HOMER1: variants seen among roughly 807,000 people sequenced by gnomAD.
HOMER1 encodes homer protein homolog 1.
In HOMER1, 3 loss-of-function variants were observed where a neutral mutation model predicts 48.9. The ratio of observed to expected loss-of-function variants is 0.06; its 90% confidence interval spans 0.03 to 0.16. The LOEUF (loss-of-function observed/expected upper bound fraction) is 0.16, where lower values mean the gene tolerates loss of function less well. Ranked by LOEUF, HOMER1 falls within the 10% of genes least tolerant of loss-of-function variation. The pLI is 1.00. For synonymous variants in HOMER1, 134 were observed against 146.4 expected, an observed-to-expected ratio of 0.92 and a Z score of 0.61; for missense variants, 247 against 411.4, an observed-to-expected ratio of 0.60 and a Z score of 3.46.
chr5:79,383,386 CTTTTT>C (rs200444325), intron 8 of HOMER1, among the ~76,000 whole-genome samples: 58 of 139,884 alleles, frequency 4.1e-4, no homozygotes, highest in Non-Finnish European at 6.6e-4. Flanking sequence ...TACAGAACAT[CTTTTT>C]TTTTTTTTTT....
intron 8 of HOMER1, among the ~76,000 whole-genome samples, chr5:79,388,612 G>A (rs944303181): frequency 1.3e-5 from 2 of 152,092 alleles, no homozygotes; most frequent in Admixed American, 1.3e-4. Flanking sequence ...GAAAAACTTA[G>A]AATAGAAATA....
At chr5:79,502,895 A>G (rs905997707) in intron 1 of HOMER1, among the ~76,000 whole-genome samples, 1 of 152,138 alleles carries the variant, frequency 6.6e-6, no homozygotes, top group African/African-American at 2.4e-5. Flanking sequence ...GGTTCACGCC[A>G]TTCTCCTGCC....
intron 5 of HOMER1, among the ~76,000 whole-genome samples, chr5:79,426,198 A>G (rs1008223579): frequency 2.0e-5 from 3 of 152,132 alleles, no homozygotes; most frequent in Non-Finnish European, 4.4e-5. Flanking sequence ...TACAGCCACT[A>G]TGAAGAACTG....
rs1469642356 is a variant in HOMER1 at position 79,456,889 on chromosome 5, A to G, written c.135T>C (p.Tyr45=). ...SYFYDSTRNV[Y]RIISLDGSKA... ...TTGAGCCATCTAAACTGATTATCCT[A>G]TACACATTTCTTGTGCTGTCATAGA... is the stretch of plus-strand genomic sequence containing the variant. Residue 45 remains tyrosine (Y), a synonymous_variant, in exon 2 of 9, where the codon TAT becomes TAC. Coordinates refer to ENST00000334082, the MANE Select transcript of HOMER1 (RefSeq NM_004272.5). 8 of 1,613,932 alleles carry G rather than the reference A, an allele frequency of 5.0e-6. No homozygotes were observed. Among genetic ancestry groups the G allele is most frequent in the Admixed American group, 1.7e-5 (1 of 59,998 alleles).
chr5:79,385,318 G>A (rs1749081451), intron 8 of HOMER1, among the ~76,000 whole-genome samples: 1 of 152,078 alleles, frequency 6.6e-6, no homozygotes, highest in Admixed American at 6.6e-5. Context: ...GAGACAACCT[G>A]TTGAATGGGA....
At chr5:79,434,024 C>T (rs1750501955) in intron 5 of HOMER1, among the ~76,000 whole-genome samples, 1 of 152,124 alleles carries the variant, frequency 6.6e-6, no homozygotes, top group Non-Finnish European at 1.5e-5. Context: ...GTTATCTAAA[C>T]ATTAGAAGAA....
chr5:79,378,302 G>A (rs1378563281), intron 8 of HOMER1, among the ~76,000 whole-genome samples: 1 of 150,762 alleles, frequency 6.6e-6, no homozygotes, highest in Non-Finnish European at 1.5e-5. Context: ...TCAGTGGTTT[G>A]ACAAGGCTCA....
At chr5:79,486,273 A>G (rs1346243530) in intron 1 of HOMER1, among the ~76,000 whole-genome samples, 2 of 152,186 alleles carry the variant, frequency 1.3e-5, no homozygotes, top group Admixed American at 6.5e-5. Context: ...CACATTTGTA[A>G]GCTAAACAAT....
At chr5:79,379,516 C>G (rs542233797) in intron 8 of HOMER1, among the ~76,000 whole-genome samples, 3 of 127,332 alleles carry the variant, frequency 2.4e-5, no homozygotes, top group African/African-American at 1.0e-4. Context: ...ATTTATATTA[C>G]AGACAGAGAA....
At chr5:79,476,323 C>T (rs1459871635) in intron 1 of HOMER1, among the ~76,000 whole-genome samples, 4 of 152,272 alleles carry the variant, frequency 2.6e-5, no homozygotes, top group African/African-American at 7.2e-5. Context: ...TATGACTAAA[C>T]GTGGGGGATT....
At chr5:79,379,232 ATAT>A (rs1407575181) in intron 8 of HOMER1, among the ~76,000 whole-genome samples, 1 of 69,858 alleles carries the variant, frequency 1.4e-5, no homozygotes, top group Non-Finnish European at 2.6e-5. Flanking sequence ...TCTATAATAT[ATAT>A]TATATATTAT....
chr5:79,504,744 A>C (rs549104149), intron 1 of HOMER1, among the ~76,000 whole-genome samples: 2 of 152,352 alleles, frequency 1.3e-5, no homozygotes, highest in African/African-American at 4.8e-5. Context: ...ATATACGTAA[A>C]TATAAAAGAA....
At chr5:79,393,729 G>A (rs1470777446) in intron 8 of HOMER1, among the ~76,000 whole-genome samples, 1 of 152,076 alleles carries the variant, frequency 6.6e-6, no homozygotes, top group Non-Finnish European at 1.5e-5. Flanking sequence ...GAAAAAGGTT[G>A]TAATATTATT....
intron 5 of HOMER1, among the ~76,000 whole-genome samples, chr5:79,417,515 C>CTA (rs775619758): frequency 2.0e-5 from 3 of 152,210 alleles, no homozygotes; most frequent in Non-Finnish European, 4.4e-5. Context: ...TGATGTTAGA[C>CTA]TATTCCACAG....
At chr5:79,392,951 A>AAGGGAGAGAG (rs1554057024) in intron 8 of HOMER1, among the ~76,000 whole-genome samples, 1 of 75,078 alleles carries the variant, frequency 1.3e-5, no homozygotes, top group Non-Finnish European at 2.4e-5. Context: ...AAAGAAGGGA[A>AAGGGAGAGAG]AGGGAGAGAG....
intron 4 of HOMER1, among the ~76,000 whole-genome samples, chr5:79,439,492 T>G (rs1406865405): frequency 6.6e-6 from 1 of 152,152 alleles, no homozygotes; most frequent in Non-Finnish European, 1.5e-5. Flanking sequence ...TTCAAAGAAT[T>G]ACTATACTTC....
chr5:79,421,835 T>C (rs972137711), intron 5 of HOMER1, among the ~76,000 whole-genome samples: 2 of 152,130 alleles, frequency 1.3e-5, no homozygotes, highest in Non-Finnish European at 2.9e-5. Flanking sequence ...CTCAAACTCC[T>C]GACCTCAGGT....
chr5:79,372,735 G>A lies in HOMER1; in HGVS notation c.*3274C>T, dbSNP rs1469270146. 1 of 152,090 alleles carries A rather than the reference G, an allele frequency of 6.6e-6. No individual in the cohort carries two copies. The highest frequency in any genetic ancestry group is 1.5e-5 in the Non-Finnish European group (1 of 68,016). 9.4% of individuals were successfully genotyped at this position (152,090 alleles called of 1,614,324 possible). ...GTACTGACAAAATCAGGACCACAAG[G>A]AGATAAATGACCGAAGTGTATATGC... On this transcript the variant is annotated 3_prime_UTR_variant, in exon 9 of 9. Transcript: ENST00000334082.
chr5:79,481,190 T>C (rs891898358), intron 1 of HOMER1, among the ~76,000 whole-genome samples: 11 of 152,198 alleles, frequency 7.2e-5, no homozygotes, highest in African/African-American at 2.7e-4. Flanking sequence ...CAGTTATCTC[T>C]CCTCACGACA....
Sources: gnomAD v4.1 joint callset for allele counts (sites outside exome capture counted in the v4.1 genomes callset) on GRCh38, gnomAD v4.1.1 for gene constraint, MANE v1.5 for transcripts, NCBI Gene and HGNC (gene_info 2026-07-23, HGNC 2026-07-21) for gene names.